CHCHD6: variants seen among roughly 807,000 people sequenced by gnomAD.
CHCHD6 encodes coiled-coil-helix-coiled-coil-helix domain containing 6.
A neutral mutation model predicts 32.3 loss-of-function variants in CHCHD6; 28 were observed. The observed-to-expected ratio is 0.87, with a 90% confidence interval of 0.64 to 1.19. CHCHD6 has a LOEUF of 1.19. Among genes scored for constraint, CHCHD6 ranks in the 50% most tolerant of loss-of-function variants. The probability of loss-of-function intolerance (pLI) is 0.00; values close to 1 mark genes in which losing one functional copy is unlikely to be tolerated. For missense variants in CHCHD6, 333 were observed against 307.0 expected, an observed-to-expected ratio of 1.08 and a Z score of -0.63; for synonymous variants, 122 against 117.5, an observed-to-expected ratio of 1.04 and a Z score of -0.25.
rs537626715 is a variant in CHCHD6 at position 126,908,171 on chromosome 3, G to T, written c.496-6509G>T. On this transcript the variant is annotated intron_variant, in intron 5 of 7. Coordinates refer to ENST00000290913, the MANE Select transcript of CHCHD6 (RefSeq NM_032343.3). ...GTTTGATTGGAGTTTTGAATACATT[G>T]CTGGTGGGAGCAGAGCACAGTCAGT... Among the ~76,000 whole-genome samples, 8 of 152,284 alleles carry T rather than the reference G, an allele frequency of 5.3e-5. No individual in the cohort carries two copies. The South Asian group carries it at 1.7e-3, about 32-fold the overall frequency.
Position 126,733,102 on chromosome 3 carries a change from C to T in CHCHD6, c.291C>T (p.Ile97=). 1 of 1,614,216 alleles carries T rather than the reference C, an allele frequency of 6.2e-7. No homozygotes were observed. Among genetic ancestry groups the T allele is most frequent in the Non-Finnish European group, 8.5e-7 (1 of 1,180,032 alleles). The change falls in exon 4 of 8, where the codon ATC becomes ATT. Residue 97 remains isoleucine, a synonymous_variant. Transcript: ENST00000290913. ...VKRYEQEHAA[I]QDKLFQVAKR... The stretch of plus-strand genomic sequence containing the variant: ...GGTATGAACAGGAGCATGCTGCTAT[C>T]CAGGATAAGCTCTTCCAGGTGGCAA...
intron 6 of CHCHD6, among the ~76,000 whole-genome samples, chr3:126,919,310 C>CTTTTTTTTTTTTTTTTTTTTTTTT (rs869129860): frequency 3.4e-5 from 1 of 29,234 alleles, no homozygotes; most frequent in Non-Finnish European, 1.3e-4. Context: ...TATTTCTTTT[C>CTTTTTTTTTTTTTTTTTTTTTTTT]TTTTTTCTTT....
At chr3:126,948,024 G>T (rs1315104964) in intron 6 of CHCHD6, among the ~76,000 whole-genome samples, 1 of 152,172 alleles carries the variant, frequency 6.6e-6, no homozygotes, top group Non-Finnish European at 1.5e-5. Context: ...GCTGATGTGC[G>T]CCTGGGCCCA....
In CHCHD6 at chr3:126,960,256, C is replaced by G. The variant is rs1321391275; in HGVS notation, c.*55C>G. 8.4e-6 allele frequency: 13 copies of G among 1,547,624 alleles called. No homozygotes were observed. The highest frequency in any genetic ancestry group is 3.3e-4 in the Middle Eastern group (2 of 6,010). ...TGACTTGGAGCCCTGAAGAAGGGAC[C>G]AATCATGGGACCACAGCCACTGTGC... On this transcript the variant is annotated 3_prime_UTR_variant, in exon 8 of 8. Transcript: ENST00000290913.
chr3:126,837,070 C>A (rs1327541532), intron 4 of CHCHD6, among the ~76,000 whole-genome samples: 1 of 152,202 alleles, frequency 6.6e-6, no homozygotes, highest in Non-Finnish European at 1.5e-5. Context: ...ACCTTATCAT[C>A]CTTGTGCCCT....
At chr3:126,888,825 A>G (rs1328814319) in intron 5 of CHCHD6, among the ~76,000 whole-genome samples, 2 of 152,136 alleles carry the variant, frequency 1.3e-5, no homozygotes, top group Admixed American at 6.5e-5. Context: ...AGCCCCTGTG[A>G]GAGTGAGGAG....
chr3:126,840,626 C>T (rs1405090300), intron 4 of CHCHD6, among the ~76,000 whole-genome samples: 1 of 152,176 alleles, frequency 6.6e-6, no homozygotes, highest in Middle Eastern at 3.4e-3. Flanking sequence ...TATTAAAAAT[C>T]TGTTATCTAA....
intron 1 of CHCHD6, among the ~76,000 whole-genome samples, chr3:126,715,371 A>G (rs1365634024): frequency 3.9e-5 from 6 of 152,194 alleles, no homozygotes; most frequent in Non-Finnish European, 7.3e-5. Flanking sequence ...CATATGGAGT[A>G]TGCTCTAGGA....
intron 5 of CHCHD6, among the ~76,000 whole-genome samples, chr3:126,913,305 C>T: frequency 7.7e-6 from 1 of 129,136 alleles, no homozygotes; most frequent in Non-Finnish European, 1.6e-5. Flanking sequence ...TCTCGGCTTA[C>T]TGTAACCTCC....
At position 126,785,357 on chromosome 3, in the gene CHCHD6, G is replaced by A. The variant is rs1263206859; in HGVS notation, c.411+52135G>A. Among the ~76,000 whole-genome samples the A allele has an allele frequency of 1.4e-4, 22 of 152,190 alleles. 1 individual carries two copies. The highest frequency in any genetic ancestry group is 1.4e-3 in the Admixed American group (22 of 15,278). ...AATCACCCTAGTTGGAAACTGCTTT[G>A]TGTTAGTTTTCTATTACTGCTGTAA... is the stretch of plus-strand genomic sequence containing the variant. On this transcript the variant is annotated intron_variant, in intron 4 of 7. Coordinates refer to ENST00000290913, the MANE Select transcript of CHCHD6 (RefSeq NM_032343.3).
intron 4 of CHCHD6, among the ~76,000 whole-genome samples, chr3:126,760,628 C>T (rs1462904896): frequency 6.6e-6 from 1 of 152,222 alleles, no homozygotes; most frequent in Non-Finnish European, 1.5e-5. Context: ...TTTCACTTAA[C>T]ATAATACCTT....
intron 4 of CHCHD6, among the ~76,000 whole-genome samples, chr3:126,812,404 T>C (rs1199217899): frequency 4.0e-5 from 6 of 151,052 alleles, no homozygotes; most frequent in Non-Finnish European, 2.9e-5. Flanking sequence ...TAACCCAAGA[T>C]GTTTTCTGGT....
intron 4 of CHCHD6, among the ~76,000 whole-genome samples, chr3:126,737,430 GCACA>G (rs1936099601): frequency 7.7e-6 from 1 of 129,352 alleles, no homozygotes; most frequent in Non-Finnish European, 1.7e-5. Flanking sequence ...GCACACAAAT[GCACA>G]CACACATACT....
At chr3:126,948,770 A>G (rs895453974) in intron 6 of CHCHD6, among the ~76,000 whole-genome samples, 5 of 152,252 alleles carry the variant, frequency 3.3e-5, no homozygotes, top group Admixed American at 3.3e-4. Context: ...TTTGTGCTAC[A>G]GGAAAGCTAA....
chr3:126,847,010 G>GT (rs1169771560), intron 4 of CHCHD6, among the ~76,000 whole-genome samples: 1 of 152,068 alleles, frequency 6.6e-6, no homozygotes, highest in African/African-American at 2.4e-5. Flanking sequence ...AGTCGTTAGG[G>GT]TTTTTTTCCT....
chr3:126,882,873 C>T (rs1321215533), intron 5 of CHCHD6, among the ~76,000 whole-genome samples: 1 of 152,198 alleles, frequency 6.6e-6, no homozygotes, highest in Non-Finnish European at 1.5e-5. Flanking sequence ...GATAAGTTCT[C>T]TTTGTGCTGT....
In CHCHD6 at chr3:126,914,700, G is replaced by A; in HGVS notation, c.516G>A (p.Leu172=). The part of the protein sequence containing the change: ...IERKNAEMYK[L]SSEQFHEAAS... ...TGTAGAATGCTGAGATGTATAAACT[G>A]TCTTCAGAGCAATTCCATGAGGCAG... Residue 172 remains leucine, a synonymous_variant, in exon 6 of 8, where the codon CTG becomes CTA. Coordinates refer to ENST00000290913, the MANE Select transcript of CHCHD6 (RefSeq NM_032343.3). 3.1e-6 allele frequency: 5 copies of A among 1,594,354 alleles called. No homozygotes were observed. Among genetic ancestry groups the A allele is most frequent in the Non-Finnish European group, 4.3e-6 (5 of 1,161,962 alleles).
intron 4 of CHCHD6, among the ~76,000 whole-genome samples, chr3:126,735,760 A>G (rs995024079): frequency 2.0e-5 from 3 of 152,174 alleles, no homozygotes; most frequent in African/African-American, 4.8e-5. Flanking sequence ...TCAGGGTACC[A>G]TTGGTTTCTG....
At chr3:126,834,519 G>A (rs938864462) in intron 4 of CHCHD6, among the ~76,000 whole-genome samples, 1 of 152,142 alleles carries the variant, frequency 6.6e-6, no homozygotes, top group African/African-American at 2.4e-5. Flanking sequence ...TGGGCCAGAA[G>A]CAGGGGAGCT....
Sources: gnomAD v4.1 joint callset for allele counts (sites outside exome capture counted in the v4.1 genomes callset) on GRCh38, gnomAD v4.1.1 for gene constraint, MANE v1.5 for transcripts, NCBI Gene and HGNC (gene_info 2026-07-23, HGNC 2026-07-21) for gene names.